The following FXR1 variants were observed in gnomAD, a reference collection of about 807,000 sequenced individuals.
FXR1 encodes FMR1 autosomal homolog 1, also known as RNA-binding protein FXR1.
A neutral mutation model predicts 84.0 loss-of-function variants in FXR1; 15 were observed. The observed-to-expected ratio is 0.18, with a 90% CI of 0.12 to 0.27. The LOEUF is 0.27. Among genes scored for constraint, FXR1 ranks in the 10% least tolerant of loss-of-function variants. FXR1 has a pLI of 1.00. For synonymous variants in FXR1, 245 were observed against 250.7 expected, an observed-to-expected ratio of 0.98 and a Z score of 0.21; for missense variants, 480 against 774.4, an observed-to-expected ratio of 0.62 and a Z score of 4.51.
At chr3:180,948,603 C>A in intron 5 of FXR1, 108 bp downstream of exon 5, 1 of 1,006,398 alleles carries the variant, frequency 9.9e-7, no homozygotes, top group Non-Finnish European at 1.5e-6. Context: ...GGAAAATCAT[C>A]TTAATGAACA....
At chr3:180,970,421 T>TATAA (rs1553779032) in intron 15 of FXR1, 63 bp downstream of exon 15, 1 of 268,454 alleles carries the variant, frequency 3.7e-6, no homozygotes, top group Non-Finnish European at 6.7e-6. Flanking sequence ...TATATATATA[T>TATAA]AATTGTAAAC....
At chr3:180,953,352 GAATA>G (rs1297622388) in intron 8 of FXR1, among the ~76,000 whole-genome samples, 1 of 152,084 alleles carries the variant, frequency 6.6e-6, no homozygotes, top group Non-Finnish European at 1.5e-5. Context: ...CTGATTTTGA[GAATA>G]AATAAATCAG....
chr3:180,966,261 G>A (rs1208615915), intron 13 of FXR1, among the ~76,000 whole-genome samples: 2 of 152,074 alleles, frequency 1.3e-5, no homozygotes, highest in Non-Finnish European at 2.9e-5. Flanking sequence ...GAAATTTGAT[G>A]TATTCTTTGA....
At chr3:180,967,601 T>C (rs532225518) in intron 13 of FXR1, among the ~76,000 whole-genome samples, 79 of 151,924 alleles carry the variant, frequency 5.2e-4, no homozygotes, top group African/African-American at 1.7e-3. Flanking sequence ...ACCTAGGAAT[T>C]AATGTTCTGT....
intron 14 of FXR1, among the ~76,000 whole-genome samples, chr3:180,968,809 T>C (rs1713168527): frequency 6.6e-6 from 1 of 152,172 alleles, no homozygotes; most frequent in Non-Finnish European, 1.5e-5. Context: ...AACGTTTTAC[T>C]TAATTACTTC....
Position 180,968,173 on chromosome 3 carries a change from C to T in FXR1, c.1321C>T (p.Arg441Cys), listed in dbSNP as rs774705357. 2.4e-5 allele frequency: 38 copies of T among 1,613,558 alleles called. No individual in the cohort carries two copies. Among genetic ancestry groups the T allele is most frequent in the Admixed American group, 6.7e-5 (4 of 60,004 alleles). Residue 441 changes from arginine to cysteine, a missense_variant, in exon 14 of 17, where the codon CGC becomes TGC. Transcript: ENST00000357559. ...DSRHQRDSRR[R>C]PGGRGRSVSG... The stretch of plus-strand genomic sequence containing the variant: ...CCGACATCAGCGTGACAGCAGGAGA[C>T]GCCCAGGAGGAAGAGGCAGAAGTGT...
At chr3:180,960,738 T>G (rs896517755) in intron 10 of FXR1, among the ~76,000 whole-genome samples, 5 of 152,054 alleles carry the variant, frequency 3.3e-5, no homozygotes, top group African/African-American at 1.2e-4. Flanking sequence ...GTGCTAGGAT[T>G]ACAGGTGTGA....
In FXR1 at chr3:180,961,000, C is replaced by A. The variant is rs182694330; in HGVS notation, c.991-468C>A. The stretch of plus-strand genomic sequence containing the variant: ...TCTCCTTAAATCTTGAAGTTTAGTA[C>A]ATGTAAATTGCTGCGTGTTTCAGAA... On this transcript the variant is annotated intron_variant, in intron 10 of 16. Transcript: ENST00000357559. Among the ~76,000 whole-genome samples the A allele has an allele frequency of 1.4e-3, 209 of 151,964 alleles. 2 individuals carry two copies. The Middle Eastern group carries it at 0.041, about 30-fold the overall frequency.
At chr3:180,966,139 A>G (rs754775510) in intron 13 of FXR1, among the ~76,000 whole-genome samples, 8 of 152,040 alleles carry the variant, frequency 5.3e-5, no homozygotes, top group Non-Finnish European at 8.8e-5. Context: ...TACAACTTTT[A>G]TGACATCCTG....
At chr3:180,962,845 T>C (rs1292580539) in intron 11 of FXR1, 38 bp from the exon 12 acceptor site, 6 of 1,405,378 alleles carry the variant, frequency 4.3e-6, no homozygotes, top group South Asian at 2.4e-5. Flanking sequence ...CAAAAAGTTA[T>C]ATATAAGAAG....
At chr3:180,972,422 C>T (rs1374291827) in intron 15 of FXR1, among the ~76,000 whole-genome samples, 3 of 152,140 alleles carry the variant, frequency 2.0e-5, no homozygotes, top group African/African-American at 4.8e-5. Context: ...TGCCACTGCA[C>T]GCTAGCCTGG....
chr3:180,954,987 ATTTTTTTTTT>A (rs35677270), intron 9 of FXR1, among the ~76,000 whole-genome samples: 156 of 132,698 alleles, frequency 1.2e-3, no homozygotes, highest in Non-Finnish European at 1.9e-3. Flanking sequence ...GTAAAAATAA[ATTTTTTTTTT>A]TTTTTTTTGG....
chr3:180,912,881 C>T, intron 1 of FXR1, 145 bp downstream of exon 1: 13 of 1,442,654 alleles, frequency 9.0e-6, no homozygotes, highest in Non-Finnish European at 1.2e-5. Flanking sequence ...GCTTCTCCCC[C>T]CTCCACCCGC....
intron 8 of FXR1, among the ~76,000 whole-genome samples, chr3:180,951,743 A>G (rs1003003864): frequency 1.3e-5 from 2 of 152,004 alleles, no homozygotes; most frequent in Non-Finnish European, 2.9e-5. Context: ...ACCCGTTAAC[A>G]AATAATCTAT....
chr3:180,915,015 A>G (rs1195326806), intron 1 of FXR1: 4 of 713,872 alleles, frequency 5.6e-6, no homozygotes, highest in Admixed American at 6.1e-5. Context: ...TCACCTTACC[A>G]TTATCTAACA....
intron 1 of FXR1, chr3:180,932,898 G>A (rs755816125): frequency 5.1e-4 from 79 of 154,710 alleles, no homozygotes; most frequent in Non-Finnish European, 7.0e-4. Context: ...TTCATTAGGT[G>A]GATGATACTG....
intron 1 of FXR1, among the ~76,000 whole-genome samples, chr3:180,913,928 A>C (rs994210813): frequency 2.6e-5 from 4 of 151,916 alleles, no homozygotes; most frequent in African/African-American, 9.7e-5. Flanking sequence ...TTTTTATTTT[A>C]TTTGGCCACG....
In FXR1 at chr3:180,915,473, C is replaced by T. The variant is rs777166800; in HGVS notation, c.51+2737C>T. ...GTCCGGCTTCCATTTAGCGTAGAAGCAATTTAATTTTAATTAGTTTTTTTC... is the reference window on the plus strand; with the variant it reads ...GTCCGGCTTCCATTTAGCGTAGAAGTAATTTAATTTTAATTAGTTTTTTTC... On this transcript the variant is annotated intron_variant, in intron 1 of 16. Transcript: ENST00000357559. 7.0e-6 allele frequency: 10 copies of T among 1,427,758 alleles called. 1 individual carries two copies. In the South Asian group the frequency reaches 1.2e-4, roughly 18 times the overall value. 88.4% of individuals were successfully genotyped at this position (1,427,758 alleles called of 1,614,324 possible).
intron 1 of FXR1, among the ~76,000 whole-genome samples, chr3:180,926,156 CA>C (rs1719150572): frequency 6.6e-6 from 1 of 151,754 alleles, no homozygotes; most frequent in African/African-American, 2.4e-5. Context: ...ACTGTTGTGC[CA>C]AATCTAGAGA....
Sources: gnomAD v4.1 joint callset for allele counts (sites outside exome capture counted in the v4.1 genomes callset) on GRCh38, gnomAD v4.1.1 for gene constraint, MANE v1.5 for transcripts, NCBI Gene and HGNC (gene_info 2026-07-23, HGNC 2026-07-21) for gene names.